The following SPMIP4 variants were observed in gnomAD, a reference collection of about 807,000 sequenced individuals.
The protein encoded by SPMIP4 is sperm-associated microtubule inner protein 4.
the SPMIP4 span, among the ~76,000 whole-genome samples, chr7:25,150,377 C>A: frequency 6.6e-6 from 1 of 152,124 alleles, no homozygotes; most frequent in Non-Finnish European, 1.5e-5. Context: ...AAAACAGACG[C>A]TTCGTTAGGA....
the SPMIP4 span, among the ~76,000 whole-genome samples, chr7:25,175,108 C>T: frequency 0.16 from 24,712 of 152,076 alleles, 2,658 homozygotes; most frequent in African/African-American, 0.3. Flanking sequence ...TGCACCCCCT[C>T]AGACCTGGGG....
chr7:25,136,422 T>C, the SPMIP4 span: 2 of 1,614,078 alleles, frequency 1.2e-6, no homozygotes, highest in Non-Finnish European at 8.5e-7. The surrounding 1 kb of genome is among the most constrained non-coding windows in gnomAD (Gnocchi z 5.7). Flanking sequence ...GTCTCCAGTA[T>C]AAATCTTCTG....
chr7:25,159,983 C>T, the SPMIP4 span, among the ~76,000 whole-genome samples: 265 of 125,794 alleles, frequency 2.1e-3, no homozygotes, highest in African/African-American at 8.4e-3. Context: ...TGATTTGATT[C>T]GAAATGAAAA....
the SPMIP4 span, among the ~76,000 whole-genome samples, chr7:25,137,576 C>T: frequency 5.3e-5 from 8 of 152,070 alleles, no homozygotes; most frequent in Admixed American, 2.0e-4. Context: ...AATCTGATTC[C>T]TGCCTCTTCC....
the SPMIP4 span, among the ~76,000 whole-genome samples, chr7:25,174,193 T>C: frequency 2.6e-5 from 4 of 151,948 alleles, no homozygotes; most frequent in Non-Finnish European, 5.9e-5. This position sits in a 1 kb window ranked among gnomAD's most constrained non-coding sequence, Gnocchi z 4.5. Context: ...TCTTTCCCCC[T>C]CTCTCTCCGT....
chr7:25,160,093 A>T, the SPMIP4 span, among the ~76,000 whole-genome samples: 1 of 152,192 alleles, frequency 6.6e-6, no homozygotes, highest in Non-Finnish European at 1.5e-5. Context: ...CCTTGACCTA[A>T]ATCAGCCCAT....
the SPMIP4 span, among the ~76,000 whole-genome samples, chr7:25,145,417 T>C: frequency 1.3e-5 from 2 of 152,158 alleles, no homozygotes; most frequent in African/African-American, 2.4e-5. Context: ...TGTGATGTCT[T>C]GAGAAGGGGC....
the SPMIP4 span, among the ~76,000 whole-genome samples, chr7:25,178,185 T>C: frequency 3.9e-5 from 6 of 152,256 alleles, no homozygotes; most frequent in Non-Finnish European, 5.9e-5. Context: ...ATATGTACCA[T>C]GTTTTCTTTA....
the SPMIP4 span, chr7:25,136,519 T>A: frequency 6.2e-7 from 1 of 1,614,186 alleles, no homozygotes; most frequent in East Asian, 2.2e-5. This position sits in a 1 kb window ranked among gnomAD's most constrained non-coding sequence, Gnocchi z 5.7. Context: ...TGGGAGTTCA[T>A]AGGTAGACAG....
chr7:25,150,372 A>G, the SPMIP4 span, among the ~76,000 whole-genome samples: 3 of 152,242 alleles, frequency 2.0e-5, no homozygotes, highest in Non-Finnish European at 2.9e-5. Flanking sequence ...CCAGTAAAAC[A>G]GACGCTTCGT....
the SPMIP4 span, chr7:25,136,451 T>C: frequency 6.2e-7 from 1 of 1,614,182 alleles, no homozygotes. This position sits in a 1 kb window ranked among gnomAD's most constrained non-coding sequence, Gnocchi z 5.7. Flanking sequence ...GTATCTGTGA[T>C]TTTTGGAAAT....
At chr7:25,131,953 C>T in the SPMIP4 span, among the ~76,000 whole-genome samples, 21 of 152,098 alleles carry the variant, frequency 1.4e-4, no homozygotes, top group African/African-American at 5.1e-4. This position sits in a 1 kb window ranked among gnomAD's most constrained non-coding sequence, Gnocchi z 4.2. Context: ...TCTGCGACGG[C>T]GGCAAACAGC....
the SPMIP4 span, among the ~76,000 whole-genome samples, chr7:25,151,164 T>C: frequency 6.6e-6 from 1 of 151,982 alleles, no homozygotes; most frequent in Non-Finnish European, 1.5e-5. Context: ...CTGAAAAATG[T>C]AAATCATAGT....
chr7:25,154,100 T>G, the SPMIP4 span, among the ~76,000 whole-genome samples: 1 of 152,254 alleles, frequency 6.6e-6, no homozygotes, highest in Admixed American at 6.5e-5. Flanking sequence ...ATTCTACTCA[T>G]GCAGTCTGAC....
chr7:25,143,173 C>G, the SPMIP4 span, among the ~76,000 whole-genome samples: 621 of 152,246 alleles, frequency 4.1e-3, 8 homozygotes, highest in African/African-American at 0.014. Context: ...AAATTGTGTG[C>G]CTTCTACTTT....
the SPMIP4 span, among the ~76,000 whole-genome samples, chr7:25,161,598 T>C: frequency 6.9e-6 from 1 of 144,778 alleles, no homozygotes; most frequent in African/African-American, 2.5e-5. Context: ...ATGTTAGAAC[T>C]TTTTATTTAT....
At chr7:25,179,904 G>C in the SPMIP4 span, 1 of 152,526 alleles carries the variant, frequency 6.6e-6, no homozygotes, top group African/African-American at 2.4e-5. Flanking sequence ...AAGGGTGCCA[G>C]GGGTCGAGGC....
At chr7:25,136,470 G>A in the SPMIP4 span, 5 of 1,614,148 alleles carry the variant, frequency 3.1e-6, no homozygotes, top group Admixed American at 8.3e-5. This position sits in a 1 kb window ranked among gnomAD's most constrained non-coding sequence, Gnocchi z 5.7. Flanking sequence ...ATGGCTTTAT[G>A]TCATAAATGC....
chr7:25,164,517 G>T, the SPMIP4 span, among the ~76,000 whole-genome samples: 1 of 152,174 alleles, frequency 6.6e-6, no homozygotes, highest in Non-Finnish European at 1.5e-5. Context: ...AGATCTCTTA[G>T]AACATACTTT....
Sources: allele counts gnomAD v4.1 joint callset (sites outside exome capture counted in the v4.1 genomes callset), GRCh38; gene constraint gnomAD v4.1.1; non-coding constraint Gnocchi (gnomAD v3.1); transcripts MANE v1.5; gene names NCBI Gene and HGNC (gene_info 2026-07-23, HGNC 2026-07-21).